ATG4D: variants seen among roughly 807,000 people sequenced by gnomAD.
ATG4D encodes autophagy related 4D cysteine peptidase, also known as cysteine protease ATG4D.
Under a neutral mutation model 55.2 loss-of-function variants are expected in ATG4D, and 51 were observed. That is an observed-to-expected ratio of 0.92 (90% CI 0.74 to 1.17). The LOEUF is 1.17. Ranked by LOEUF, ATG4D falls within the 50% of genes most tolerant of loss-of-function variation. The pLI, the probability that ATG4D is intolerant of heterozygous loss-of-function variation, is 0.00. For synonymous variants in ATG4D, 268 were observed against 266.2 expected, an observed-to-expected ratio of 1.01 and a Z score of -0.07; for missense variants, 635 against 649.6, an observed-to-expected ratio of 0.98 and a Z score of 0.25.
chr19:10,551,809 C>T, intron 6 of ATG4D, 88 bp from the exon 7 acceptor site: 1 of 1,290,506 alleles, frequency 7.7e-7, no homozygotes, highest in Non-Finnish European at 1.1e-6. Flanking sequence ...CTGCTGCCCT[C>T]CAGAGGCTGG....
intron 3 of ATG4D, among the ~76,000 whole-genome samples, chr19:10,546,249 A>G (rs1411943843): frequency 6.6e-6 from 1 of 151,922 alleles, no homozygotes; most frequent in African/African-American, 2.4e-5. Flanking sequence ...TGTTGAGCTC[A>G]GGATTTAGAG....
intron 5 of ATG4D, among the ~76,000 whole-genome samples, chr19:10,547,617 G>A (rs1916079445): frequency 8.1e-6 from 1 of 123,628 alleles, no homozygotes; most frequent in South Asian, 3.2e-4. Flanking sequence ...GACAGAGTAG[G>A]ATCCTGTCGA....
At chr19:10,545,743 G>C (rs1359175052) in intron 3 of ATG4D, among the ~76,000 whole-genome samples, 2 of 151,940 alleles carry the variant, frequency 1.3e-5, no homozygotes, top group African/African-American at 4.8e-5. Flanking sequence ...GGGTGTGGTG[G>C]CAGGCACCTG....
chr19:10,553,231 C>T lies in ATG4D; in HGVS notation c.*164C>T, dbSNP rs959701678. 3 of 910,660 alleles carry T rather than the reference C, an allele frequency of 3.3e-6. No homozygotes were observed. The highest frequency in any genetic ancestry group is 3.2e-6 in the Non-Finnish European group (2 of 626,414). The allele number at this position is 910,660 out of a possible 1,614,324, so 56.4% of individuals were successfully genotyped here. On this transcript the variant is annotated 3_prime_UTR_variant, in exon 10 of 10. Coordinates refer to ENST00000309469, the MANE Select transcript of ATG4D (RefSeq NM_032885.6). ...GCCATTCAGCCAGGGACAGAGCCCA[C>T]AGAGCCCATACACCTGTCTCCCACC...
In ATG4D at chr19:10,547,211, G is replaced by T; in HGVS notation, c.793G>T (p.Asp265Tyr). 1.2e-6 allele frequency: 2 copies of T among 1,613,994 alleles called. No homozygotes were observed. Among genetic ancestry groups the T allele is most frequent in the Non-Finnish European group, 1.7e-6 (2 of 1,179,954 alleles). Residue 265 changes from aspartate (D) to tyrosine (Y), a missense_variant, in exon 5 of 10, where the codon GAC becomes TAC. Coordinates refer to ENST00000309469, the MANE Select transcript of ATG4D (RefSeq NM_032885.6). Reference sequence around the variant, plus strand: ...CAGGAAAGCCGTGGAGAGCTGCTCCGACGTCACCCGCCTGGTGGTGTACGT... The same window carrying T: ...CAGGAAAGCCGTGGAGAGCTGCTCCTACGTCACCCGCCTGGTGGTGTACGT... The part of the protein sequence containing the change: ...ILRKAVESCS[D>Y]VTRLVVYVSQ...
At chr19:10,548,767 A>C in intron 5 of ATG4D, 137 bp from the exon 6 acceptor site, 1 of 1,295,580 alleles carries the variant, frequency 7.7e-7, no homozygotes, top group South Asian at 1.5e-5. Context: ...GGGCACTAGA[A>C]TGATGATTTT....
At chr19:10,546,466 C>G (rs1916032403) in intron 3 of ATG4D, among the ~76,000 whole-genome samples, 1 of 151,502 alleles carries the variant, frequency 6.6e-6, no homozygotes, top group Admixed American at 6.6e-5. Flanking sequence ...CTGCCTCAGC[C>G]TCCTGAGTAG....
chr19:10,544,175 C>CG lies in ATG4D; in HGVS notation c.89dup (p.Pro31SerfsTer28). On this transcript the variant is annotated frameshift_variant, in exon 1 of 10. Transcript: ENST00000309469. LOFTEE classifies it high-confidence loss of function. ...CCGCCGGCCCGAGGCCCGCAGGCCGCGGGGTCCCAGAGGCCCAGACCCCAA... is the reference window on the plus strand; with the variant it reads ...CCGCCGGCCCGAGGCCCGCAGGCCGCGGGGGTCCCAGAGGCCCAGACCCCAA... 5 of 1,245,746 alleles carry CG rather than the reference C, an allele frequency of 4.0e-6. No individual in the cohort carries two copies. Among genetic ancestry groups the CG allele is most frequent in the Non-Finnish European group, 5.1e-6 (5 of 987,748 alleles). The allele number at this position is 1,245,746 out of a possible 1,614,324, so 77.2% of individuals were successfully genotyped here. A position where few individuals can be genotyped will look rare whatever the true frequency, so the allele number is the denominator to read the frequency against.
At chr19:10,545,213 G>C in intron 3 of ATG4D, 83 bp downstream of exon 3, 1 of 1,508,652 alleles carries the variant, frequency 6.6e-7, no homozygotes, top group East Asian at 2.3e-5. Context: ...TACCAACTAA[G>C]AGTTCAAAGT....
At position 10,545,063 on chromosome 19, in the gene ATG4D, G is replaced by A; in HGVS notation, c.426G>A (p.Trp142Ter). 2 of 1,613,484 alleles carry A rather than the reference G, an allele frequency of 1.2e-6. No homozygotes were observed. Among genetic ancestry groups the A allele is most frequent in the South Asian group, 1.1e-5 (1 of 91,090 alleles). Residue 142 changes from tryptophan (W) to a stop codon, truncating the protein, a stop_gained, in exon 3 of 10, where the codon TGG becomes TGA. Transcript: ENST00000309469. LOFTEE classifies it high-confidence loss of function. ...PGGCLTSDCG[W>*]GCMLRSGQMM... is the part of the protein sequence containing the mutation. ...GCTGCCTGACCTCGGACTGTGGCTG[G>A]GGGTGCATGTTACGCAGCGGCCAGA...
chr19:10,552,282 A>C lies in ATG4D; in HGVS notation c.1200A>C (p.Gly400=). The C allele has an allele frequency of 6.2e-7, 1 of 1,613,488 alleles. No individual in the cohort carries two copies. The highest frequency in any genetic ancestry group is 8.5e-7 in the Non-Finnish European group (1 of 1,179,998). Residue 400 remains glycine (G), a synonymous_variant, in exon 9 of 10, where the codon GGA becomes GGC. Coordinates refer to ENST00000309469, the MANE Select transcript of ATG4D (RefSeq NM_032885.6). ...GCTGTACCGTGGGCTTCTATGCTGG[A>C]GACAGGAAGGAGTTTGAGACACTCT... ...DPSCTVGFYA[G]DRKEFETLCS... is the part of the protein sequence containing the mutation.
rs781203664 is a variant in ATG4D, at chr19:10,544,846, G to A, written c.299G>A (p.Arg100His). 3 of 1,612,438 alleles carry A rather than the reference G, an allele frequency of 1.9e-6. No homozygotes were observed. Among genetic ancestry groups the A allele is most frequent in the African/African-American group, 2.7e-5 (2 of 75,046 alleles). ...KISSIHLCGR[R>H]YRFEGEGDIQ... ...TCCAGCATCCACCTCTGTGGCCGCC[G>A]CTACCGTTTCGAGGGCGAGGGTGAG... The change falls in exon 2 of 10, where the codon CGC (arginine) becomes CAC (histidine). Residue 100 changes from arginine (R) to histidine (H), a missense_variant. Physicochemically the swap from Arg to His is conservative, Grantham distance 29 (BLOSUM62 0). Transcript: ENST00000309469.
Position 10,543,938 on chromosome 19 carries a change from G to A in ATG4D, c.-153G>A. On this transcript the variant is annotated 5_prime_UTR_variant, in exon 1 of 10. Coordinates refer to ENST00000309469, the MANE Select transcript of ATG4D (RefSeq NM_032885.6). ...CGCTAAGATGGCGATGGCTGCGGTA[G>A]CAGCGGCGGCGGCTGTTGCCTGGCC... 1 of 439,108 alleles carries A rather than the reference G, an allele frequency of 2.3e-6. No homozygotes were observed. Among genetic ancestry groups the A allele is most frequent in the Non-Finnish European group, 3.7e-6 (1 of 269,096 alleles). 27.2% of individuals were successfully genotyped at this position (439,108 alleles called of 1,614,324 possible).
chr19:10,545,364 G>A (rs1019893461), intron 3 of ATG4D, among the ~76,000 whole-genome samples: 1 of 151,902 alleles, frequency 6.6e-6, no homozygotes, highest in Non-Finnish European at 1.5e-5. Context: ...TTGCGGTCAG[G>A]AGTTCAAGAC....
At chr19:10,550,338 A>G (rs1204959147) in intron 6 of ATG4D, among the ~76,000 whole-genome samples, 1 of 152,068 alleles carries the variant, frequency 6.6e-6, no homozygotes, top group East Asian at 1.9e-4. Context: ...CAGTAACCCA[A>G]TGAAGGGCAG....
chr19:10,546,818 C>T, intron 3 of ATG4D, 21 bp from the exon 4 acceptor site: 1 of 1,551,134 alleles, frequency 6.4e-7, no homozygotes, highest in South Asian at 1.2e-5. Context: ...CACTGTTTGA[C>T]TATGTGCTCC....
chr19:10,552,218 C>T lies in ATG4D; in HGVS notation c.1136C>T (p.Thr379Ile), dbSNP rs758790754. The T allele has an allele frequency of 2.5e-6, 4 of 1,612,864 alleles. No homozygotes were observed. The highest frequency in any genetic ancestry group is 2.7e-5 in the African/African-American group (2 of 74,896). ...ADFPLESFHC[T>I]SPRKMAFAKM... ...TGTCTGCCCCAGTCCTTCCACTGCA[C>T]CTCGCCCCGCAAGATGGCCTTTGCC... Residue 379 changes from threonine to isoleucine, a missense_variant, in exon 9 of 10, where the codon ACC becomes ATC. Transcript: ENST00000309469.
chr19:10,551,988 C>G lies in ATG4D; in HGVS notation c.1045+13C>G. The G allele has an allele frequency of 6.3e-7, 1 of 1,594,504 alleles. No individual in the cohort carries two copies. ...ATTGGCTACCAAGGTAGGCCCACCC[C>G]CTCCTCACTCCTCCCACCCCCCACC... On this transcript the variant is annotated intron_variant, in intron 7 of 9. Transcript: ENST00000309469.
chr19:10,544,917 G>C (rs771363333), intron 2 of ATG4D, 40 bp from the exon 3 acceptor site: 2 of 1,585,710 alleles, frequency 1.3e-6, no homozygotes. Flanking sequence ...CACGCCCGCC[G>C]GAGTGTCCCT....
Sources: gnomAD v4.1 joint callset for allele counts (sites outside exome capture counted in the v4.1 genomes callset) on GRCh38, gnomAD v4.1.1 for gene constraint, MANE v1.5 for transcripts, NCBI Gene and HGNC (gene_info 2026-07-23, HGNC 2026-07-21) for gene names.